Variants in SNX10 observed in about 807,000 individuals in gnomAD.
SNX10 encodes sorting nexin-10.
A neutral mutation model predicts 28.5 loss-of-function variants in SNX10; 25 were observed. The ratio of observed to expected loss-of-function variants is 0.88; its 90% CI spans 0.64 to 1.22. The LOEUF is 1.22. Among genes scored for constraint, SNX10 ranks in the 50% most tolerant of loss-of-function variants. The pLI, the probability that SNX10 is intolerant of heterozygous loss-of-function variation, is 0.00. For missense variants in SNX10, 223 were observed against 242.6 expected, an observed-to-expected ratio of 0.92 and a Z score of 0.54; for synonymous variants, 62 against 81.4, an observed-to-expected ratio of 0.76 and a Z score of 1.28.
intron 4 of SNX10, 42 bp from the exon 5 acceptor site, chr7:26,365,005 T>C: frequency 8.1e-7 from 1 of 1,239,224 alleles, no homozygotes; most frequent in Non-Finnish European, 1.2e-6. Flanking sequence ...AGAAGCACCT[T>C]GAGTTAATCA....
chr7:26,336,977 T>G (rs1381424109), intron 1 of SNX10, among the ~76,000 whole-genome samples: 1 of 152,200 alleles, frequency 6.6e-6, no homozygotes, highest in Non-Finnish European at 1.5e-5. Context: ...AATTATCGAG[T>G]TAAAGAATAT....
chr7:26,310,796 T>C (rs1786808095), intron 1 of SNX10, among the ~76,000 whole-genome samples: 2 of 151,948 alleles, frequency 1.3e-5, no homozygotes, highest in South Asian at 2.1e-4. Context: ...CATTCTCCTG[T>C]CTCAGCCTCC....
At chr7:26,325,769 C>T (rs1203583245) in intron 1 of SNX10, among the ~76,000 whole-genome samples, 4 of 151,584 alleles carry the variant, frequency 2.6e-5, no homozygotes, top group Non-Finnish European at 4.4e-5. Context: ...ACTCTGTTGC[C>T]CAGGCTGGAG....
chr7:26,296,905 C>T lies in SNX10; in HGVS notation c.-24+4819C>T, dbSNP rs117691029. On this transcript the variant is annotated intron_variant, in intron 1 of 6. Transcript: ENST00000338523. ...TGAATAGAAAGTCGAGAAATGGTTC[C>T]ATTGTAAAGACAGGAATTGAGTGTA... Among the ~76,000 whole-genome samples the T allele has an allele frequency of 2.0e-3, 302 of 152,216 alleles. 8 individuals carry two copies. In the East Asian group the frequency reaches 0.039, roughly 20 times the overall value.
At chr7:26,351,196 T>C (rs537337320) in intron 2 of SNX10, among the ~76,000 whole-genome samples, 1 of 152,308 alleles carries the variant, frequency 6.6e-6, no homozygotes, top group South Asian at 2.1e-4. Context: ...AGAAGTGGCT[T>C]AGGAAAAGAA....
chr7:26,328,941 T>C lies in SNX10; in HGVS notation c.-23-17479T>C, dbSNP rs371132706. On this transcript the variant is annotated intron_variant, in intron 1 of 6. Coordinates refer to ENST00000338523, the MANE Select transcript of SNX10 (RefSeq NM_013322.3). ...AGTGAGGAAACACGCCAATACCTCCTTCCCCTTGTACACACCTCCACTGCT... is the reference window on the plus strand; with the variant it reads ...AGTGAGGAAACACGCCAATACCTCCCTCCCCTTGTACACACCTCCACTGCT... Among the ~76,000 whole-genome samples, 9 of 152,300 alleles carry C rather than the reference T, an allele frequency of 5.9e-5. No individual in the cohort carries two copies. The East Asian group carries it at 9.6e-4, about 16-fold the overall frequency.
At chr7:26,306,516 TACCTC>T (rs1012860117) in intron 1 of SNX10, among the ~76,000 whole-genome samples, 5 of 151,824 alleles carry the variant, frequency 3.3e-5, no homozygotes, top group Non-Finnish European at 7.4e-5. Context: ...GGTGATCTCT[TACCTC>T]AGCCTCCTGA....
intron 2 of SNX10, among the ~76,000 whole-genome samples, chr7:26,351,683 GTCTC>G (rs1788611257): frequency 8.3e-6 from 1 of 120,906 alleles, no homozygotes; most frequent in South Asian, 2.8e-4. Context: ...TTGAGACCGA[GTCTC>G]TCTCTGTCGC....
chr7:26,306,092 C>T (rs566801062), intron 1 of SNX10, among the ~76,000 whole-genome samples: 56 of 150,454 alleles, frequency 3.7e-4, no homozygotes, highest in Admixed American at 3.0e-3. Context: ...TTTGTAGAGA[C>T]GGGTTTTCGC....
chr7:26,294,117 T>C (rs1402033213), intron 1 of SNX10, among the ~76,000 whole-genome samples: 2 of 152,250 alleles, frequency 1.3e-5, no homozygotes, highest in Non-Finnish European at 2.9e-5. Flanking sequence ...AGATTTTCAT[T>C]TCCTAGCATG....
At chr7:26,297,604 G>T (rs1409334312) in intron 1 of SNX10, among the ~76,000 whole-genome samples, 1 of 152,148 alleles carries the variant, frequency 6.6e-6, no homozygotes, top group Non-Finnish European at 1.5e-5. Context: ...AGACTGGCAG[G>T]TGGGATTTCC....
Position 26,364,374 on chromosome 7 carries a change from G to C in SNX10, c.112-161G>C. The C allele has an allele frequency of 7.3e-7, 1 of 1,373,546 alleles. No homozygotes were observed. The highest frequency in any genetic ancestry group is 9.4e-7 in the Non-Finnish European group (1 of 1,064,454). The allele number at this position is 1,373,546 out of a possible 1,614,324, so 85.1% of individuals were successfully genotyped here. A position where few individuals can be genotyped will look rare whatever the true frequency, so the allele number is the denominator to read the frequency against. On this transcript the variant is annotated intron_variant, in intron 3 of 6. Coordinates refer to ENST00000338523, the MANE Select transcript of SNX10 (RefSeq NM_013322.3). This position sits in a 1 kb window ranked among gnomAD's most constrained non-coding sequence, Gnocchi z 4.9. ...TGTCTTCAGGGCTGTTATGTTCCTG[G>C]GTTATGTGCAAGATTTCAGAGTACT...
intron 1 of SNX10, among the ~76,000 whole-genome samples, chr7:26,306,301 A>G (rs754927752): frequency 2.6e-5 from 4 of 151,862 alleles, no homozygotes; most frequent in Admixed American, 6.6e-5. Context: ...AAATGATCCA[A>G]CTCTTGCAGG....
chr7:26,321,495 C>T (rs1787305550), intron 1 of SNX10, among the ~76,000 whole-genome samples: 1 of 152,288 alleles, frequency 6.6e-6, no homozygotes, highest in East Asian at 1.9e-4. Flanking sequence ...AAGAAGACTC[C>T]TGTTGGCTTT....
chr7:26,371,157 AT>A (rs1562824388), intron 5 of SNX10, among the ~76,000 whole-genome samples: 1 of 152,120 alleles, frequency 6.6e-6, no homozygotes, highest in African/African-American at 2.4e-5. Context: ...TCACAAAATT[AT>A]CATATTTTAA....
Position 26,317,950 on chromosome 7 carries a change from C to G in SNX10, c.-24+25864C>G, listed in dbSNP as rs546344484. ...TGCTGGGATTACAGACGTGAGCCAC[C>G]ACGCCCGGCTTTCATGGTGATCTTC... On this transcript the variant is annotated intron_variant, in intron 1 of 6. Coordinates refer to ENST00000338523, the MANE Select transcript of SNX10 (RefSeq NM_013322.3). Among the ~76,000 whole-genome samples, 8 of 152,242 alleles carry G rather than the reference C, an allele frequency of 5.3e-5. No individual in the cohort carries two copies. In the South Asian group the frequency reaches 1.7e-3, roughly 32 times the overall value.
intron 1 of SNX10, among the ~76,000 whole-genome samples, chr7:26,305,594 A>G (rs1562784908): frequency 1.3e-5 from 2 of 152,170 alleles, no homozygotes; most frequent in Admixed American, 1.3e-4. Flanking sequence ...TTGTCTGCAG[A>G]TGATCAGACC....
intron 1 of SNX10, among the ~76,000 whole-genome samples, chr7:26,326,657 G>A (rs1787515051): frequency 6.6e-6 from 1 of 152,114 alleles, no homozygotes; most frequent in African/African-American, 2.4e-5. Context: ...CCATTTCTCT[G>A]TTTGCTTCAC....
At position 26,306,284 on chromosome 7, in the gene SNX10, C is replaced by T. The variant is rs146108150; in HGVS notation, c.-24+14198C>T. On this transcript the variant is annotated intron_variant, in intron 1 of 6. Coordinates refer to ENST00000338523, the MANE Select transcript of SNX10 (RefSeq NM_013322.3). ...AGATCAAGGCCAGGCATTGGACATCCGTGAGTAAATGATCCAACTCTTGCA... is the reference window on the plus strand; with the variant it reads ...AGATCAAGGCCAGGCATTGGACATCTGTGAGTAAATGATCCAACTCTTGCA... Among the ~76,000 whole-genome samples the T allele has an allele frequency of 3.7e-3, 557 of 152,202 alleles. 1 individual carries two copies. The highest frequency in any genetic ancestry group is 5.8e-3 in the South Asian group (28 of 4,830).
Sources: gnomAD v4.1 joint callset for allele counts (sites outside exome capture counted in the v4.1 genomes callset) on GRCh38, gnomAD v4.1.1 for gene constraint, Gnocchi (gnomAD v3.1) non-coding constraint, MANE v1.5 for transcripts, NCBI Gene and HGNC (gene_info 2026-07-23, HGNC 2026-07-21) for gene names.